The following GSE1 variants were observed in gnomAD, a reference collection of about 807,000 sequenced individuals.
GSE1 encodes the protein Gse1 coiled-coil protein.
In GSE1, 32 loss-of-function variants were observed where a neutral mutation model predicts 112.6. The ratio of observed to expected loss-of-function variants is 0.28; its 90% CI spans 0.21 to 0.38. The LOEUF is 0.38. Ranked by LOEUF, GSE1 falls within the 10% of genes least tolerant of loss-of-function variation. The pLI is 1.00. For synonymous variants in GSE1, 1,115 were observed against 735.6 expected (o/e 1.52, Z -8.35); for missense variants, 2,348 against 1,699.2 (o/e 1.38, Z -6.71).
At chr16:85,553,043 AG>A (rs755694841), upstream of GSE1, among the ~76,000 whole-genome samples, 6 of 144,760 alleles carry the variant, frequency 4.1e-5, no homozygotes, top group Non-Finnish European at 7.7e-5. Context: ...TTTTAAAAAT[AG>A]TTTTCTTTTT....
At chr16:85,534,531 C>G (rs1259761142) in intron 2 of GSE1, among the ~76,000 whole-genome samples, 1 of 152,202 alleles carries the variant, frequency 6.6e-6, no homozygotes, top group African/African-American at 2.4e-5. Flanking sequence ...CTCAGAGTCC[C>G]TCCAGCCTGT....
At chr16:85,649,238 A>G (rs961113691) in intron 3 of GSE1, among the ~76,000 whole-genome samples, 5 of 152,104 alleles carry the variant, frequency 3.3e-5, no homozygotes, top group East Asian at 1.9e-4. Context: ...CTCCAAATGC[A>G]GTTCCGTTCT....
chr16:85,300,951 A>G (rs952425518), intron 1 of GSE1, among the ~76,000 whole-genome samples: 4 of 152,200 alleles, frequency 2.6e-5, no homozygotes, highest in African/African-American at 9.7e-5. Context: ...AGGGGAAGAC[A>G]TAGGCAGAGA....
intron 1 of GSE1, among the ~76,000 whole-genome samples, chr16:85,196,794 C>A (rs959880671): frequency 2.0e-5 from 3 of 152,050 alleles, no homozygotes; most frequent in Admixed American, 6.6e-5. Context: ...GCGGGGGGGC[C>A]TGCCGGAATT....
At chr16:85,250,065 C>T (rs1250544093) in intron 1 of GSE1, among the ~76,000 whole-genome samples, 4 of 152,256 alleles carry the variant, frequency 2.6e-5, no homozygotes, top group Non-Finnish European at 5.9e-5. Context: ...GCTCCTGCTG[C>T]AGCTCCTGCG....
Position 85,241,621 on chromosome 16 carries a change from G to A in GSE1, c.2283+69814G>A, listed in dbSNP as rs150552174. 4.7e-3 allele frequency among the ~76,000 whole-genome samples: 714 copies of A among 152,270 alleles called. 2 individuals are homozygous for A. Among genetic ancestry groups the A allele is most frequent in the Non-Finnish European group, 5.8e-3 (394 of 68,024 alleles). On this transcript the variant is annotated intron_variant, in intron 1 of 2. Transcript: ENST00000637419. ...TGTGGTCTCCCAGTGCCTGGATTTA[G>A]GAATATGTCACTCAGCTAGTAAGCC...
intron 2 of GSE1, among the ~76,000 whole-genome samples, chr16:85,531,454 C>T (rs919367039): frequency 1.7e-4 from 26 of 152,018 alleles, no homozygotes; most frequent in African/African-American, 6.3e-4. Flanking sequence ...TCTGTGGTGT[C>T]GGGTAGGAGA....
chr16:85,499,543 T>G (rs9927017), intron 2 of GSE1, among the ~76,000 whole-genome samples: 2,956 of 152,088 alleles, frequency 0.019, 58 homozygotes, highest in Admixed American at 0.045. Context: ...CCTGGCCTTG[T>G]GATCCGCCCG....
At chr16:85,409,674 C>A (rs200210318) in intron 2 of GSE1, among the ~76,000 whole-genome samples, 44 of 7,814 alleles carry the variant, frequency 5.6e-3, no homozygotes, top group Admixed American at 0.028. Context: ...ACACTCAGGG[C>A]CCCCCGGATA....
intron 2 of GSE1, among the ~76,000 whole-genome samples, chr16:85,464,367 A>C (rs2050065348): frequency 1.3e-5 from 2 of 152,234 alleles, no homozygotes; most frequent in South Asian, 4.1e-4. Context: ...GCTTAGAGAA[A>C]AGGGGAGGCT....
intron 2 of GSE1, among the ~76,000 whole-genome samples, chr16:85,503,187 G>A (rs191996514): frequency 1.3e-5 from 2 of 152,214 alleles, no homozygotes; most frequent in African/African-American, 2.4e-5. Flanking sequence ...AGCCACTGAC[G>A]GGATTAAGTG....
chr16:85,602,554 T>A (rs2047513571), intron 1 of GSE1, among the ~76,000 whole-genome samples: 1 of 151,920 alleles, frequency 6.6e-6, no homozygotes, highest in African/African-American at 2.4e-5. Context: ...GGGCCTAGGG[T>A]GACCCGCTGC....
intron 2 of GSE1, among the ~76,000 whole-genome samples, chr16:85,516,864 C>G (rs1343987818): frequency 2.0e-5 from 3 of 146,524 alleles, no homozygotes; most frequent in African/African-American, 7.6e-5. Context: ...GTGGCGTGAT[C>G]TCCACTTACT....
intron 2 of GSE1, among the ~76,000 whole-genome samples, chr16:85,370,143 G>C (rs1037038263): frequency 3.9e-5 from 6 of 152,306 alleles, no homozygotes; most frequent in African/African-American, 1.4e-4. Flanking sequence ...TTTCCCAGGA[G>C]GTGGCGCAGT....
At chr16:85,362,831 CTT>C (rs67922655) in intron 2 of GSE1, among the ~76,000 whole-genome samples, 574 of 103,442 alleles carry the variant, frequency 5.5e-3, no homozygotes, top group African/African-American at 0.02. Flanking sequence ...TTATTGATAT[CTT>C]TTTTTTTTTT....
chr16:85,570,779 G>A lies in GSE1; in HGVS notation c.37+14416G>A, dbSNP rs185837514. ...TGGTGCCAGGCCCTGGAGGGGCTGA[G>A]GGGGAGGGTGGAAAGTCTGTCACAG... On this transcript the variant is annotated intron_variant, in intron 1 of 2. Coordinates refer to the GSE1 transcript ENST00000635906. Among the ~76,000 whole-genome samples, 8 of 152,360 alleles carry A rather than the reference G, an allele frequency of 5.3e-5. No individual in the cohort carries two copies. In the East Asian group the frequency reaches 1.4e-3, roughly 26 times the overall value.
intron 1 of GSE1, among the ~76,000 whole-genome samples, chr16:85,626,321 C>T (rs940192651): frequency 6.6e-6 from 1 of 152,196 alleles, no homozygotes. Flanking sequence ...CGCCCAGGCT[C>T]CTGCGATCAC....
chr16:85,491,474 G>A (rs2051007531), intron 2 of GSE1, among the ~76,000 whole-genome samples: 1 of 152,178 alleles, frequency 6.6e-6, no homozygotes. Context: ...TTTATGAGAA[G>A]GTGATATGTG....
At chr16:85,522,700 T>A (rs987657016) in intron 2 of GSE1, among the ~76,000 whole-genome samples, 1 of 152,078 alleles carries the variant, frequency 6.6e-6, no homozygotes, top group Non-Finnish European at 1.5e-5. Flanking sequence ...TGGGTGCTCG[T>A]GTGGGTGTCT....
Sources: allele counts gnomAD v4.1 joint callset (sites outside exome capture counted in the v4.1 genomes callset), GRCh38; gene constraint gnomAD v4.1.1; transcripts MANE v1.5; gene names NCBI Gene and HGNC (gene_info 2026-07-23, HGNC 2026-07-21).